NCOA7: variants seen among roughly 807,000 people sequenced by gnomAD.
NCOA7 encodes 140 kDa estrogen receptor-associated protein.
NCOA7 carries 45 observed loss-of-function variants against 104.3 expected under a neutral mutation model. That is an observed-to-expected ratio of 0.43 (90% CI 0.34 to 0.55). The LOEUF (loss-of-function observed/expected upper bound fraction) is 0.55, where lower values mean the gene tolerates loss of function less well. Among genes scored for constraint, NCOA7 ranks in the 20% least tolerant of loss-of-function variants. NCOA7 has a pLI of 0.02. For synonymous variants in NCOA7, 398 were observed against 402.3 expected, an observed-to-expected ratio of 0.99 and a Z score of 0.13; for missense variants, 1,041 against 1,119.7, an observed-to-expected ratio of 0.93 and a Z score of 1.00.
chr6:125,887,166 A>G (rs1324940305), intron 8 of NCOA7, among the ~76,000 whole-genome samples: 2 of 152,224 alleles, frequency 1.3e-5, no homozygotes, highest in Non-Finnish European at 2.9e-5. Flanking sequence ...TAGAAAGCTA[A>G]TTAGAGTGCA....
At chr6:125,925,759 T>C (rs778663718) in intron 13 of NCOA7, among the ~76,000 whole-genome samples, 1 of 152,234 alleles carries the variant, frequency 6.6e-6, no homozygotes, top group Non-Finnish European at 1.5e-5. Flanking sequence ...TTTCCTTTTA[T>C]CATTTCTGGG....
chr6:125,889,429 G>A lies in NCOA7; in HGVS notation c.1375G>A (p.Val459Met), dbSNP rs138843029. 2.1e-5 allele frequency: 34 copies of A among 1,613,986 alleles called. No homozygotes were observed. The African/African-American group carries it at 2.9e-4, about 14-fold the overall frequency. Reference protein sequence around the residue: ...KAESQINNSAVEMQVQSALAF... With the variant: ...KAESQINNSAMEMQVQSALAF... ...TGAGTCACAAATAAACAATTCTGCCGTGGAAATGCAGGTGCAGTCAGCCCT... is the reference window on the plus strand; with the variant it reads ...TGAGTCACAAATAAACAATTCTGCCATGGAAATGCAGGTGCAGTCAGCCCT... The change falls in exon 9 of 16, where the codon GTG (valine) becomes ATG (methionine). Residue 459 changes from valine (V) to methionine (M), a missense_variant. Physicochemically the swap from Val to Met is conservative, Grantham distance 21 (BLOSUM62 1). Transcript: ENST00000392477.
chr6:125,896,475 G>A (rs1042443545), intron 10 of NCOA7, among the ~76,000 whole-genome samples: 1 of 152,136 alleles, frequency 6.6e-6, no homozygotes, highest in Non-Finnish European at 1.5e-5. Flanking sequence ...GAGAGTTTTG[G>A]TTCTGTGTGA....
Position 125,889,431 on chromosome 6 carries a change from G to A in NCOA7, c.1377G>A (p.Val459=). The change falls in exon 9 of 16, where the codon GTG becomes GTA. Residue 459 remains valine (V), a synonymous_variant. Transcript: ENST00000392477. ...KAESQINNSA[V]EMQVQSALAF... ...AGTCACAAATAAACAATTCTGCCGT[G>A]GAAATGCAGGTGCAGTCAGCCCTAG... 2 of 1,614,000 alleles carry A rather than the reference G, an allele frequency of 1.2e-6. No individual in the cohort carries two copies. The highest frequency in any genetic ancestry group is 1.7e-6 in the Non-Finnish European group (2 of 1,179,964).
intron 3 of NCOA7, among the ~76,000 whole-genome samples, chr6:125,858,627 G>GAA (rs111365716): frequency 7.4e-6 from 1 of 135,658 alleles, no homozygotes; most frequent in African/African-American, 2.7e-5. Flanking sequence ...CACTGTCTCT[G>GAA]AAAAAAAAAA....
intron 2 of NCOA7, among the ~76,000 whole-genome samples, chr6:125,851,019 A>G (rs1660602459): frequency 6.6e-6 from 1 of 152,264 alleles, no homozygotes; most frequent in Admixed American, 6.5e-5. Context: ...AAAATAAGTT[A>G]AAATCAGGAT....
intron 2 of NCOA7, among the ~76,000 whole-genome samples, chr6:125,854,740 G>A (rs1354218863): frequency 6.6e-6 from 1 of 152,072 alleles, no homozygotes; most frequent in Non-Finnish European, 1.5e-5. Flanking sequence ...TTAGCCTATG[G>A]AAGAATCTCA....
chr6:125,857,169 A>G (rs1054700646), intron 3 of NCOA7, among the ~76,000 whole-genome samples: 3 of 152,226 alleles, frequency 2.0e-5, no homozygotes, highest in Admixed American at 6.5e-5. Context: ...ACTTCCTTTT[A>G]AAATGTAAAT....
rs1781073048 is a variant in NCOA7 at position 125,850,962 on chromosome 6, AG to A, written c.51-4054del. Among the ~76,000 whole-genome samples, 4 of 152,312 alleles carry A rather than the reference AG, an allele frequency of 2.6e-5. No individual in the cohort carries two copies. The South Asian group carries it at 8.3e-4, about 32-fold the overall frequency. On this transcript the variant is annotated intron_variant, in intron 2 of 15. Transcript: ENST00000392477. ...TGATCAGGAGAGAAATTGTTTTATT[AG>A]GGGCATTATCTGAATTTTGCTAGAG...
rs562089044 is a variant in NCOA7 at position 125,824,851 on chromosome 6, C to T, written c.50+9447C>T. Among the ~76,000 whole-genome samples, 502 of 152,192 alleles carry T rather than the reference C, an allele frequency of 3.3e-3. 2 individuals are homozygous for T. The highest frequency in any genetic ancestry group is 0.011 in the African/African-American group (476 of 41,548). The stretch of plus-strand genomic sequence containing the variant: ...TCGGCTCACTGCAAGCTCCGCCTCC[C>T]GGGTTCACGCCATTCTCCTGCCTCA... On this transcript the variant is annotated intron_variant, in intron 2 of 15. Transcript: ENST00000392477.
intron 4 of NCOA7, among the ~76,000 whole-genome samples, chr6:125,875,945 C>T (rs1424568674): frequency 6.6e-6 from 1 of 152,168 alleles, no homozygotes; most frequent in African/African-American, 2.4e-5. Flanking sequence ...TCATAAGCTC[C>T]TGGAGGCCGG....
intron 10 of NCOA7, among the ~76,000 whole-genome samples, chr6:125,911,257 G>T (rs1786518611): frequency 6.6e-6 from 1 of 152,224 alleles, no homozygotes; most frequent in Non-Finnish European, 1.5e-5. Context: ...GAGCCTAGGA[G>T]GGCTAGAAGC....
At chr6:125,854,766 A>G (rs576943424) in intron 2 of NCOA7, among the ~76,000 whole-genome samples, 3 of 152,228 alleles carry the variant, frequency 2.0e-5, no homozygotes, top group Admixed American at 6.5e-5. Context: ...CCTCAGGCCT[A>G]TGGCAGTTCT....
At chr6:125,857,445 T>A (rs561377285) in intron 3 of NCOA7, among the ~76,000 whole-genome samples, 283 of 147,906 alleles carry the variant, frequency 1.9e-3, no homozygotes, top group African/African-American at 6.1e-3. Context: ...ATATATATTT[T>A]TTTTTTTAAG....
rs144562115 is a variant in NCOA7, at chr6:125,856,445, C to T, written c.271+1205C>T. Among the ~76,000 whole-genome samples the T allele has an allele frequency of 1.1e-4, 17 of 152,174 alleles. No individual in the cohort carries two copies. In the South Asian group the frequency reaches 1.2e-3, roughly 11 times the overall value. On this transcript the variant is annotated intron_variant, in intron 3 of 15. Coordinates refer to ENST00000392477, the MANE Select transcript of NCOA7 (RefSeq NM_181782.5). ...TCGGCTCACTGTAAGCTCTGCCTCC[C>T]GGGTTCACACCATCCTCCTGCCTCA...
At chr6:125,828,846 C>A (rs149278749) in intron 2 of NCOA7, among the ~76,000 whole-genome samples, 1 of 152,134 alleles carries the variant, frequency 6.6e-6, no homozygotes, top group African/African-American at 2.4e-5. Context: ...AATATGACCT[C>A]ACTATGGTAT....
chr6:125,784,987 A>AACACACACACACACAC (rs3084325), intron 1 of NCOA7, among the ~76,000 whole-genome samples: 18 of 148,412 alleles, frequency 1.2e-4, no homozygotes, highest in African/African-American at 4.5e-4. Context: ...GTTGCATATA[A>AACACACACACACACAC]ACACACACAC....
chr6:125,788,698 A>ATTTTTTTTTTTTTTTTTTTTTTTT (rs60048395), upstream of NCOA7, among the ~76,000 whole-genome samples: 2 of 121,916 alleles, frequency 1.6e-5, no homozygotes, highest in East Asian at 2.5e-4. Context: ...CACCCAGCTA[A>ATTTTTTTTTTTTTTTTTTTTTTTT]TTTTTTTTTT....
chr6:125,820,851 G>A (rs896766586), intron 2 of NCOA7, among the ~76,000 whole-genome samples: 7 of 152,176 alleles, frequency 4.6e-5, no homozygotes, highest in Non-Finnish European at 1.0e-4. Flanking sequence ...AGCACAGTTA[G>A]TTAGGTTCTG....
Sources: gnomAD v4.1 joint callset for allele counts (sites outside exome capture counted in the v4.1 genomes callset) on GRCh38, gnomAD v4.1.1 for gene constraint, MANE v1.5 for transcripts, NCBI Gene and HGNC (gene_info 2026-07-23, HGNC 2026-07-21) for gene names.